Variants in CDKL1 observed in about 807,000 individuals in gnomAD.
The protein encoded by CDKL1 is cyclin dependent kinase like 1.
A neutral mutation model predicts 42.0 loss-of-function variants in CDKL1; 41 were observed. The observed-to-expected ratio is 0.98, with a 90% CI of 0.76 to 1.27. The LOEUF (loss-of-function observed/expected upper bound fraction) is 1.27. CDKL1 is among the 50% of genes most tolerant of loss of function. CDKL1 has a pLI of 0.00. For missense variants in CDKL1, 394 were observed against 428.4 expected (o/e 0.92, Z 0.71); for synonymous variants, 153 against 158.6 (o/e 0.96, Z 0.26).
chr14:50,326,411 A>C lies in CDKL1; in HGVS notation c.*3663T>G. 1 of 964,566 alleles carries C rather than the reference A, an allele frequency of 1.0e-6. No individual in the cohort carries two copies. The highest frequency in any genetic ancestry group is 1.2e-6 in the Non-Finnish European group (1 of 810,956). 59.8% of individuals were successfully genotyped at this position (964,566 alleles called of 1,614,324 possible). On this transcript the variant is annotated 3_prime_UTR_variant, in exon 10 of 10. Coordinates refer to ENST00000395834, the MANE Select transcript of CDKL1 (RefSeq NM_004196.7). Reference sequence around the variant, plus strand: ...AACTTTAAAGTTAGTGAAGCATACTACCATAAATGCACAATTATGAAAAAT... The same window carrying C: ...AACTTTAAAGTTAGTGAAGCATACTCCCATAAATGCACAATTATGAAAAAT...
intron 2 of CDKL1, among the ~76,000 whole-genome samples, chr14:50,385,730 A>G (rs1411007809): frequency 7.0e-6 from 1 of 143,274 alleles, no homozygotes; most frequent in African/African-American, 2.6e-5. Context: ...CTTGAGCCCA[A>G]GGGGTGGAGG....
intron 8 of CDKL1, 87 bp downstream of exon 8, chr14:50,334,478 T>C: frequency 3.7e-6 from 3 of 818,072 alleles, no homozygotes; most frequent in Non-Finnish European, 6.3e-6. Flanking sequence ...ACACTTTTCA[T>C]TGCATGGATT....
intron 2 of CDKL1, chr14:50,362,898 C>G (rs1415963975): frequency 2.3e-6 from 1 of 441,074 alleles, no homozygotes; most frequent in East Asian, 7.3e-5. Context: ...ACCCTGGGCA[C>G]CATTCACACT....
chr14:50,356,305 T>C (rs1353840266), intron 3 of CDKL1, among the ~76,000 whole-genome samples: 2 of 152,220 alleles, frequency 1.3e-5, no homozygotes, highest in African/African-American at 4.8e-5. Context: ...TCCTAAACTC[T>C]CATTTTTACA....
chr14:50,382,228 G>A (rs772792871), intron 2 of CDKL1, among the ~76,000 whole-genome samples: 11 of 152,230 alleles, frequency 7.2e-5, no homozygotes, highest in South Asian at 6.2e-4. Flanking sequence ...CGAGGCAGGC[G>A]GATCACGAGG....
rs1566617659 is a variant in CDKL1 at position 50,396,210 on chromosome 14, A to AAAAAAAAAAAAAAAAAG, written c.-343_-342insCTTTTTTTTTTTTTTTT. ...CAAAAAAAAAAAAAAAAAAAAAAAA[A>AAAAAAAAAAAAAAAAAG]AAAGAAAGAAAGAAAAGAAAAGAAA... On this transcript the variant is annotated 5_prime_UTR_variant, in exon 2 of 10. Transcript: ENST00000395834. 2 of 998,162 alleles carry AAAAAAAAAAAAAAAAAG rather than the reference A, an allele frequency of 2.0e-6. No individual in the cohort carries two copies. The highest frequency in any genetic ancestry group is 7.8e-5 in the South Asian group (2 of 25,740). 61.8% of individuals were successfully genotyped at this position (998,162 alleles called of 1,614,324 possible).
At chr14:50,336,591 C>G (rs919633758) in intron 7 of CDKL1, among the ~76,000 whole-genome samples, 4 of 152,154 alleles carry the variant, frequency 2.6e-5, no homozygotes, top group African/African-American at 9.7e-5. Context: ...AAACAAAACA[C>G]AAGTGGTAGA....
At chr14:50,379,048 C>T (rs367797791) in intron 2 of CDKL1, among the ~76,000 whole-genome samples, 131 of 152,194 alleles carry the variant, frequency 8.6e-4, no homozygotes, top group African/African-American at 2.4e-3. Flanking sequence ...GACAGCATTT[C>T]GCCATGTTGG....
In CDKL1 at chr14:50,359,040, C is replaced by G. The variant is rs370734829; in HGVS notation, c.278G>C (p.Arg93Thr). ...ATGGATCACTCACCCTCTTTGGTAT[C>G]TGTCCAACTCATGGAGAACTGTGTG... is the stretch of plus-strand genomic sequence containing the variant. ...CDHTVLHELD[R>T]YQRGVPEHLV... Residue 93 changes from arginine to threonine, a missense_variant, in exon 3 of 10, where the codon AGA (arginine) becomes ACA (threonine). Arg to Thr is a moderately conservative substitution (Grantham distance 71). Coordinates refer to ENST00000395834, the MANE Select transcript of CDKL1 (RefSeq NM_004196.7). 2.5e-5 allele frequency: 41 copies of G among 1,612,030 alleles called. No individual in the cohort carries two copies. Among genetic ancestry groups the G allele is most frequent in the Admixed American group, 3.3e-5 (2 of 59,926 alleles).
At chr14:50,344,919 T>G (rs2033677451) in intron 4 of CDKL1, 67 bp downstream of exon 4, 1 of 1,318,412 alleles carries the variant, frequency 7.6e-7, no homozygotes, top group Non-Finnish European at 1.1e-6. Flanking sequence ...GACATAAACT[T>G]TGTACAAGGC....
At chr14:50,382,174 C>T (rs1015217935) in intron 2 of CDKL1, among the ~76,000 whole-genome samples, 3 of 152,152 alleles carry the variant, frequency 2.0e-5, no homozygotes, top group Non-Finnish European at 2.9e-5. Flanking sequence ...TTTTCAAGGC[C>T]GGGCGCGGTG....
rs11570830 is a variant in CDKL1, at chr14:50,342,933, C to G, written c.364-711G>C. Reference sequence around the variant, plus strand: ...TCTGGGGAGAGTCGCTAGATGTCAGCTCTGTCCCACACACAAGTGCTCTGA... The same window carrying G: ...TCTGGGGAGAGTCGCTAGATGTCAGGTCTGTCCCACACACAAGTGCTCTGA... On this transcript the variant is annotated intron_variant, in intron 4 of 9. Coordinates refer to ENST00000395834, the MANE Select transcript of CDKL1 (RefSeq NM_004196.7). 0.011 allele frequency: 15,118 copies of G among 1,354,052 alleles called. 909 individuals are homozygous for G. The African/African-American group carries it at 0.16, about 14-fold the overall frequency. 83.9% of individuals were successfully genotyped at this position (1,354,052 alleles called of 1,614,324 possible). A position where few individuals can be genotyped will look rare whatever the true frequency, so the allele number is the denominator to read the frequency against.
chr14:50,333,473 AAG>A (rs1426490981), intron 8 of CDKL1: 2 of 152,170 alleles, frequency 1.3e-5, no homozygotes, highest in African/African-American at 4.8e-5. Context: ...ATAGTCTAAA[AAG>A]GGGAGGAACC....
At chr14:50,394,956 G>A (rs1484325319) in intron 2 of CDKL1, among the ~76,000 whole-genome samples, 1 of 152,040 alleles carries the variant, frequency 6.6e-6, no homozygotes, top group Non-Finnish European at 1.5e-5. Context: ...GGCCAACATA[G>A]CAAGATCCCA....
chr14:50,385,049 T>G (rs2035033206), intron 2 of CDKL1, among the ~76,000 whole-genome samples: 1 of 114,850 alleles, frequency 8.7e-6, no homozygotes, highest in African/African-American at 3.5e-5. Flanking sequence ...TAAGCCTGGG[T>G]GACAGAGCAA....
At position 50,395,829 on chromosome 14, in the gene CDKL1, A is replaced by G; in HGVS notation, c.40T>C (p.Ser14Pro). 1.2e-6 allele frequency: 2 copies of G among 1,610,104 alleles called. No homozygotes were observed. Among genetic ancestry groups the G allele is most frequent in the Non-Finnish European group, 8.5e-7 (1 of 1,176,374 alleles). The change falls in exon 2 of 10, where the codon TCC becomes CCC. Residue 14 changes from serine (S) to proline (P), a missense_variant. Coordinates refer to ENST00000395834, the MANE Select transcript of CDKL1 (RefSeq NM_004196.7). ...YEKIGKIGEG[S>P]YGVVFKCRNR... Reference sequence around the variant, plus strand: ...CTACATTTGAAAACAACTCCATAGGATCCTTCTCCAATTTTCCCAATTTTT... The same window carrying G: ...CTACATTTGAAAACAACTCCATAGGGTCCTTCTCCAATTTTCCCAATTTTT...
chr14:50,363,068 G>C (rs1388994321), intron 2 of CDKL1: 2 of 396,258 alleles, frequency 5.0e-6, no homozygotes, highest in Admixed American at 5.0e-5. Context: ...CAAACACACT[G>C]CCTTAAGAGC....
chr14:50,346,355 C>G (rs777446798), intron 3 of CDKL1, among the ~76,000 whole-genome samples: 1 of 151,978 alleles, frequency 6.6e-6, no homozygotes, highest in Non-Finnish European at 1.5e-5. Context: ...CTTGTTTGAG[C>G]GGCATATAGG....
intron 2 of CDKL1, among the ~76,000 whole-genome samples, chr14:50,366,088 C>T (rs1426066343): frequency 2.0e-5 from 3 of 152,156 alleles, no homozygotes; most frequent in Non-Finnish European, 4.4e-5. Context: ...AATAAGCTCC[C>T]CTTCATATAT....
Sources: gnomAD v4.1 joint callset for allele counts (sites outside exome capture counted in the v4.1 genomes callset) on GRCh38, gnomAD v4.1.1 for gene constraint, MANE v1.5 for transcripts, NCBI Gene and HGNC (gene_info 2026-07-23, HGNC 2026-07-21) for gene names.